FRAS1: variants seen among roughly 807,000 people sequenced by gnomAD.
FRAS1 encodes the protein extracellular matrix organizing protein FRAS1.
FRAS1 carries 290 observed loss-of-function variants against 435.2 expected under a neutral mutation model. That is an observed-to-expected ratio of 0.67 (90% CI 0.61 to 0.73). The LOEUF (loss-of-function observed/expected upper bound fraction) is 0.73. Ranked by LOEUF, FRAS1 falls within the 30% of genes least tolerant of loss-of-function variation. The pLI, the probability that FRAS1 is intolerant of heterozygous loss-of-function variation, is 0.00. For missense variants in FRAS1, 4,860 were observed against 5,001.5 expected (o/e 0.97, Z 0.85); for synonymous variants, 1,800 against 1,851.0 (o/e 0.97, Z 0.71).
At chr4:78,123,274 A>G (rs2109967532) in intron 2 of FRAS1, among the ~76,000 whole-genome samples, 1 of 152,306 alleles carries the variant, frequency 6.6e-6, no homozygotes, top group Admixed American at 6.5e-5. Context: ...TTTGTCAAAG[A>G]TCAGATGGTG....
At chr4:78,200,111 T>G (rs6842304) in intron 2 of FRAS1, among the ~76,000 whole-genome samples, 41,273 of 152,110 alleles carry the variant, frequency 0.27, 6,641 homozygotes, top group East Asian at 0.37. Context: ...GTGAAGCAGT[T>G]GAACACAGGT....
chr4:78,268,640 G>A (rs1266574990), intron 9 of FRAS1, among the ~76,000 whole-genome samples: 1 of 152,150 alleles, frequency 6.6e-6, no homozygotes, highest in Non-Finnish European at 1.5e-5. Flanking sequence ...ATTCTGGTAG[G>A]GTGGGCCCTT....
chr4:78,315,238 A>G (rs1729189964), intron 15 of FRAS1, among the ~76,000 whole-genome samples: 1 of 152,248 alleles, frequency 6.6e-6, no homozygotes, highest in Non-Finnish European at 1.5e-5. Flanking sequence ...TTTATTATTT[A>G]TCTGAAATTC....
intron 58 of FRAS1, among the ~76,000 whole-genome samples, chr4:78,488,228 T>C (rs2109864481): frequency 6.6e-6 from 1 of 152,374 alleles, no homozygotes; most frequent in African/African-American, 2.4e-5. Context: ...CCAAATAGTT[T>C]TGGCTTATAC....
At chr4:78,213,823 T>C (rs1033752088) in intron 2 of FRAS1, among the ~76,000 whole-genome samples, 1 of 152,232 alleles carries the variant, frequency 6.6e-6, no homozygotes, top group Admixed American at 6.5e-5. Context: ...ATTGCTTTTG[T>C]TCAGTTTTCA....
At chr4:78,454,560 T>C (rs960723124) in intron 47 of FRAS1, among the ~76,000 whole-genome samples, 2 of 152,224 alleles carry the variant, frequency 1.3e-5, no homozygotes, top group East Asian at 1.9e-4. Flanking sequence ...GCTGCTGAGA[T>C]ATTAGATAAA....
At chr4:78,298,428 A>C (rs1728249486) in intron 14 of FRAS1, among the ~76,000 whole-genome samples, 3 of 152,084 alleles carry the variant, frequency 2.0e-5, no homozygotes. Context: ...CCACAGTGGA[A>C]GTATATCATT....
intron 2 of FRAS1, among the ~76,000 whole-genome samples, chr4:78,232,678 A>G (rs1169509379): frequency 2.6e-5 from 4 of 152,244 alleles, no homozygotes; most frequent in Non-Finnish European, 4.4e-5. Context: ...GACATTCAAC[A>G]TTATAAAGAT....
intron 2 of FRAS1, among the ~76,000 whole-genome samples, chr4:78,217,054 C>T (rs754256252): frequency 5.3e-5 from 8 of 151,004 alleles, no homozygotes; most frequent in Non-Finnish European, 8.8e-5. Flanking sequence ...TCCAGAGAAA[C>T]AGAACCAATA....
intron 22 of FRAS1, among the ~76,000 whole-genome samples, chr4:78,368,499 A>G (rs1289514092): frequency 9.4e-6 from 1 of 106,756 alleles, no homozygotes; most frequent in Non-Finnish European, 1.8e-5. Flanking sequence ...ACCTTATGCA[A>G]TATCTGGCTT....
chr4:78,300,266 G>T (rs1261056726), intron 14 of FRAS1, among the ~76,000 whole-genome samples: 1 of 152,106 alleles, frequency 6.6e-6, no homozygotes, highest in African/African-American at 2.4e-5. Flanking sequence ...CAAAGCTTAA[G>T]GGTAAGTTTA....
At chr4:78,328,416 A>C (rs1384459172) in intron 18 of FRAS1, among the ~76,000 whole-genome samples, 2 of 152,222 alleles carry the variant, frequency 1.3e-5, no homozygotes, top group African/African-American at 4.8e-5. Flanking sequence ...TTAGGTGTGC[A>C]AAAATCTGTT....
In FRAS1 at chr4:78,214,506, T is replaced by C. The variant is rs1374265015; in HGVS notation, c.109-23004T>C. ...CTTCATCTGCCTTTCCCATTTTTAA[T>C]TTTTTAGCTGGAAATTTTTAAAGCA... On this transcript the variant is annotated intron_variant, in intron 2 of 73. Coordinates refer to ENST00000512123, the MANE Select transcript of FRAS1 (RefSeq NM_025074.7). 2.6e-5 allele frequency among the ~76,000 whole-genome samples: 4 copies of C among 152,222 alleles called. No individual in the cohort carries two copies. The East Asian group carries it at 7.7e-4, about 29-fold the overall frequency.
chr4:78,227,439 C>T (rs867463485), intron 2 of FRAS1, among the ~76,000 whole-genome samples: 1 of 152,154 alleles, frequency 6.6e-6, no homozygotes, highest in Non-Finnish European at 1.5e-5. Flanking sequence ...TGTAGGAGAC[C>T]TGGTTAACAT....
rs1429943482 is a variant in FRAS1 at position 78,519,587 on chromosome 4, A to G, written c.10540+106A>G. ...CAGTAGCTGCATTTCTCATCCTGTT[A>G]TCCCGAAGACAAAGTGGGGCCACCT... On this transcript the variant is annotated intron_variant, in intron 67 of 73. Transcript: ENST00000512123. 2.2e-6 allele frequency: 3 copies of G among 1,344,434 alleles called. No homozygotes were observed. The Admixed American group carries it at 6.6e-5, about 30-fold the overall frequency. 83.3% of individuals were successfully genotyped at this position (1,344,434 alleles called of 1,614,324 possible).
chr4:78,331,394 G>A (rs1049807962), intron 18 of FRAS1, among the ~76,000 whole-genome samples: 1 of 152,158 alleles, frequency 6.6e-6, no homozygotes, highest in Admixed American at 6.5e-5. Context: ...CTATGAGTGG[G>A]GCAGGGTGCT....
At chr4:78,245,921 C>T (rs1725219865) in intron 4 of FRAS1, among the ~76,000 whole-genome samples, 1 of 152,120 alleles carries the variant, frequency 6.6e-6, no homozygotes, top group Admixed American at 6.6e-5. Context: ...ATGCTAGTAG[C>T]ATCCCTCAGT....
At chr4:78,320,138 G>A (rs997897628) in intron 18 of FRAS1, among the ~76,000 whole-genome samples, 7 of 152,204 alleles carry the variant, frequency 4.6e-5, no homozygotes, top group Non-Finnish European at 1.0e-4. Context: ...GACTCCAGAG[G>A]ATTTTCATGG....
chr4:78,332,108 T>C (rs2110257270), intron 18 of FRAS1, among the ~76,000 whole-genome samples: 1 of 152,260 alleles, frequency 6.6e-6, no homozygotes, highest in East Asian at 1.9e-4. Flanking sequence ...CTGTGAGGTA[T>C]GGAGACTGTC....
Sources: allele counts gnomAD v4.1 joint callset (sites outside exome capture counted in the v4.1 genomes callset), GRCh38; gene constraint gnomAD v4.1.1; transcripts MANE v1.5; gene names NCBI Gene and HGNC (gene_info 2026-07-23, HGNC 2026-07-21).